The following ESCO1 variants were observed in gnomAD, a reference collection of about 807,000 sequenced individuals.
The protein encoded by ESCO1 is establishment of sister chromatid cohesion N-acetyltransferase 1, also known as N-acetyltransferase ESCO1.
A neutral mutation model predicts 83.5 loss-of-function variants in ESCO1; 33 were observed. The observed-to-expected ratio is 0.40, with a 90% CI of 0.30 to 0.53. The LOEUF (loss-of-function observed/expected upper bound fraction) is 0.53. ESCO1 is among the 20% of genes least tolerant of loss of function. ESCO1 has a pLI of 0.63. For missense variants in ESCO1, 855 were observed against 968.0 expected, an observed-to-expected ratio of 0.88 and a Z score of 1.55; for synonymous variants, 332 against 324.3, an observed-to-expected ratio of 1.02 and a Z score of -0.25.
chr18:21,592,492 G>A (rs1484309168), intron 1 of ESCO1, among the ~76,000 whole-genome samples: 1 of 147,306 alleles, frequency 6.8e-6, no homozygotes, highest in Non-Finnish European at 1.5e-5. Context: ...TCACTTCCCA[G>A]TAGGGGCGGC....
intron 1 of ESCO1, among the ~76,000 whole-genome samples, chr18:21,586,083 A>G (rs1793648594): frequency 6.6e-6 from 1 of 152,224 alleles, no homozygotes; most frequent in Admixed American, 6.5e-5. Flanking sequence ...TACGCAACAA[A>G]TTATTAAATA....
intron 1 of ESCO1, among the ~76,000 whole-genome samples, chr18:21,585,443 C>A (rs2038561746): frequency 1.3e-5 from 2 of 152,064 alleles, no homozygotes; most frequent in Admixed American, 6.6e-5. Flanking sequence ...GTATTCTTTA[C>A]CCATTGAATT....
At chr18:21,591,596 T>C (rs1476356466) in intron 1 of ESCO1, among the ~76,000 whole-genome samples, 7 of 152,098 alleles carry the variant, frequency 4.6e-5, no homozygotes, top group Admixed American at 4.6e-4. Context: ...TCTTCAATCA[T>C]AATTTTCTTC....
intron 8 of ESCO1, among the ~76,000 whole-genome samples, chr18:21,558,404 A>T (rs2038139778): frequency 6.6e-6 from 1 of 152,150 alleles, no homozygotes; most frequent in Non-Finnish European, 1.5e-5. Flanking sequence ...CCAAAGAAAA[A>T]GGTATTTATC....
At position 21,579,007 on chromosome 18, in the gene ESCO1, C is replaced by T. The variant is rs1386275785; in HGVS notation, c.-693-3230G>A. 5.3e-5 allele frequency among the ~76,000 whole-genome samples: 8 copies of T among 152,228 alleles called. No individual in the cohort carries two copies. In the South Asian group the frequency reaches 1.0e-3, roughly 20 times the overall value. On this transcript the variant is annotated intron_variant, in intron 2 of 11. Coordinates refer to ENST00000269214, the MANE Select transcript of ESCO1 (RefSeq NM_052911.3). ...TCCTGAGTAGCTGGGATTACAGGCA[C>T]GCACCACTACACCGGCTAATTTTTT...
intron 11 of ESCO1, 105 bp downstream of exon 11, chr18:21,532,368 C>A: frequency 1.6e-6 from 2 of 1,254,074 alleles, no homozygotes; most frequent in Non-Finnish European, 1.1e-6. Flanking sequence ...GTAATTAATA[C>A]AAATAAAGAT....
chr18:21,540,045 A>C (rs981088979), intron 8 of ESCO1, 36 bp from the exon 9 acceptor site: 1 of 1,478,842 alleles, frequency 6.8e-7, no homozygotes, highest in Non-Finnish European at 9.2e-7. Flanking sequence ...CACATATGTA[A>C]AGTATGAATT....
chr18:21,565,189 A>G (rs1418721432), intron 6 of ESCO1, among the ~76,000 whole-genome samples: 1 of 152,232 alleles, frequency 6.6e-6, no homozygotes, highest in Non-Finnish European at 1.5e-5. Flanking sequence ...AAAAAAAGGC[A>G]ACACTTACCA....
chr18:21,553,423 C>T (rs1481650697), intron 8 of ESCO1, among the ~76,000 whole-genome samples: 2 of 136,168 alleles, frequency 1.5e-5, no homozygotes, highest in Admixed American at 8.1e-5. Flanking sequence ...TAAGATGACA[C>T]CGCAACACTC....
intron 1 of ESCO1, among the ~76,000 whole-genome samples, chr18:21,585,140 C>CAA (rs34965491): frequency 8.8e-6 from 1 of 113,506 alleles, no homozygotes; most frequent in Non-Finnish European, 1.9e-5. Flanking sequence ...GACTCCATCT[C>CAA]AAAAAAAAAA....
At chr18:21,577,180 C>T (rs1451362497) in intron 2 of ESCO1, among the ~76,000 whole-genome samples, 4 of 151,278 alleles carry the variant, frequency 2.6e-5, no homozygotes, top group Admixed American at 1.3e-4. Context: ...CATGGTGAAA[C>T]CCTATCTCTA....
chr18:21,566,704 T>C (rs1170671155), intron 5 of ESCO1, among the ~76,000 whole-genome samples: 1 of 151,954 alleles, frequency 6.6e-6, no homozygotes, highest in Non-Finnish European at 1.5e-5. Flanking sequence ...CTACTAAAAA[T>C]ACAAAATAAG....
chr18:21,565,275 G>A (rs1367949557), intron 6 of ESCO1, among the ~76,000 whole-genome samples: 1 of 152,130 alleles, frequency 6.6e-6, no homozygotes, highest in Non-Finnish European at 1.5e-5. Context: ...ACTGTTTGTT[G>A]TTAATCCAAA....
intron 2 of ESCO1, among the ~76,000 whole-genome samples, chr18:21,578,926 T>C (rs867868819): frequency 1.2e-4 from 18 of 152,236 alleles, no homozygotes; most frequent in African/African-American, 4.3e-4. Flanking sequence ...AGTGGCACCA[T>C]CTCGGCTCAC....
chr18:21,553,888 C>CA (rs1321389997), intron 8 of ESCO1, among the ~76,000 whole-genome samples: 105 of 145,616 alleles, frequency 7.2e-4, no homozygotes, highest in African/African-American at 2.3e-3. Flanking sequence ...CACAAACACA[C>CA]AAAAAAAACC....
intron 8 of ESCO1, chr18:21,540,828 C>A (rs1002791050): frequency 1.2e-6 from 1 of 800,710 alleles, no homozygotes. Flanking sequence ...CTAGTTGTTC[C>A]AGTTGTCTTA....
chr18:21,578,567 C>T (rs374699649), intron 2 of ESCO1, among the ~76,000 whole-genome samples: 8 of 151,990 alleles, frequency 5.3e-5, no homozygotes, highest in Non-Finnish European at 1.2e-4. Context: ...ATTAAAAGGG[C>T]CAAGACTGCC....
At chr18:21,562,889 G>A (rs1338169575) in intron 7 of ESCO1, among the ~76,000 whole-genome samples, 1 of 122,366 alleles carries the variant, frequency 8.2e-6, no homozygotes, top group Middle Eastern at 4.6e-3. Flanking sequence ...TTTTTTTTTT[G>A]AGATGGAGTA....
chr18:21,566,043 G>T, intron 6 of ESCO1, 103 bp downstream of exon 6: 2 of 1,005,384 alleles, frequency 2.0e-6, no homozygotes, highest in Non-Finnish European at 1.5e-6. Context: ...AGAATCTGTA[G>T]GTAAACTGAG....
Sources: allele counts gnomAD v4.1 joint callset (sites outside exome capture counted in the v4.1 genomes callset), GRCh38; gene constraint gnomAD v4.1.1; transcripts MANE v1.5; gene names NCBI Gene and HGNC (gene_info 2026-07-23, HGNC 2026-07-21).